PDLIM1: variants seen among roughly 807,000 people sequenced by gnomAD.
PDLIM1 encodes PDZ and LIM domain protein 1.
In PDLIM1, 25 loss-of-function variants were observed where a neutral mutation model predicts 35.2. The ratio of observed to expected loss-of-function variants is 0.71; its 90% CI spans 0.52 to 0.99. The LOEUF is 0.99. PDLIM1 is among the 50% of genes least tolerant of loss of function. PDLIM1 has a pLI of 0.00. For missense variants in PDLIM1, 363 were observed against 415.3 expected (o/e 0.87, Z 1.09); for synonymous variants, 152 against 154.0 (o/e 0.99, Z 0.10).
At chr10:95,289,346 G>C (rs908938715) in intron 1 of PDLIM1, among the ~76,000 whole-genome samples, 3 of 152,174 alleles carry the variant, frequency 2.0e-5, no homozygotes, top group Non-Finnish European at 4.4e-5. Flanking sequence ...GACGATTCTG[G>C]GGAAGGCACA....
intron 1 of PDLIM1, among the ~76,000 whole-genome samples, chr10:95,276,263 A>T (rs7089314): frequency 0.53 from 80,084 of 151,806 alleles, 21,924 homozygotes; most frequent in Middle Eastern, 0.77. Flanking sequence ...CTTTAGCACA[A>T]TGCCACAAGC....
At chr10:95,271,012 A>G (rs929162122) in intron 2 of PDLIM1, among the ~76,000 whole-genome samples, 2 of 151,630 alleles carry the variant, frequency 1.3e-5, no homozygotes, top group African/African-American at 4.8e-5. Flanking sequence ...CGGCCTCCCA[A>G]AGTGCTGGGA....
intron 2 of PDLIM1, among the ~76,000 whole-genome samples, chr10:95,270,843 T>C (rs1054829065): frequency 5.3e-5 from 8 of 151,958 alleles, no homozygotes; most frequent in Admixed American, 5.2e-4. Flanking sequence ...CTCTGCCTCC[T>C]GGGTTCAAGT....
At chr10:95,284,383 C>T (rs755206673) in intron 1 of PDLIM1, among the ~76,000 whole-genome samples, 3 of 151,586 alleles carry the variant, frequency 2.0e-5, no homozygotes, top group Admixed American at 6.6e-5. Flanking sequence ...GATGGAGTTT[C>T]GCTCTTGTTG....
At chr10:95,255,766 G>A (rs1046098489) in intron 4 of PDLIM1, among the ~76,000 whole-genome samples, 2 of 152,056 alleles carry the variant, frequency 1.3e-5, no homozygotes, top group African/African-American at 2.4e-5. Context: ...ACATAGCATT[G>A]GAGGTCCTAA....
At chr10:95,268,908 TAATATATACCAAAGAC>T (rs1171301982) in intron 2 of PDLIM1, 46 bp from the exon 3 acceptor site, 88 of 1,346,954 alleles carry the variant, frequency 6.5e-5, no homozygotes, top group Non-Finnish European at 9.0e-5. Context: ...GTAAAATAAA[TAATATATACCAAAGAC>T]AAACTGGAAA....
At chr10:95,249,597 T>C (rs539295500) in intron 4 of PDLIM1, among the ~76,000 whole-genome samples, 1 of 152,294 alleles carries the variant, frequency 6.6e-6, no homozygotes, top group East Asian at 1.9e-4. Context: ...TCAGTTACGC[T>C]TACTCATTTC....
At position 95,237,871 on chromosome 10, in the gene PDLIM1, A is replaced by T. The variant is rs1316081120; in HGVS notation, c.*54T>A. 1.3e-6 allele frequency: 2 copies of T among 1,502,458 alleles called. No homozygotes were observed. The highest frequency in any genetic ancestry group is 1.8e-6 in the Non-Finnish European group (2 of 1,089,518). The allele number at this position is 1,502,458 out of a possible 1,614,324, so 93.1% of individuals were successfully genotyped here. A position where few individuals can be genotyped will look rare whatever the true frequency, so the allele number is the denominator to read the frequency against. On this transcript the variant is annotated 3_prime_UTR_variant, in exon 7 of 7. Transcript: ENST00000329399. Reference sequence around the variant, plus strand: ...AAGAGAGGAGAGGGCCAGAACACTGAGAGAAAAAGCTGCAGCAGAGGCCTG... The same window carrying T: ...AAGAGAGGAGAGGGCCAGAACACTGTGAGAAAAAGCTGCAGCAGAGGCCTG...
chr10:95,273,351 C>A (rs1479365889), intron 1 of PDLIM1: 1 of 152,188 alleles, frequency 6.6e-6, no homozygotes, highest in African/African-American at 2.4e-5. Flanking sequence ...AGGCACCAAA[C>A]CAGGACACAC....
intron 1 of PDLIM1, among the ~76,000 whole-genome samples, chr10:95,277,573 G>A (rs1300859440): frequency 1.3e-5 from 2 of 151,848 alleles, no homozygotes; most frequent in East Asian, 3.9e-4. Context: ...AACCCAGGAG[G>A]TGGAGGTTGC....
At chr10:95,272,057 T>C (rs1339435233) in intron 1 of PDLIM1, among the ~76,000 whole-genome samples, 4 of 152,168 alleles carry the variant, frequency 2.6e-5, no homozygotes, top group Non-Finnish European at 5.9e-5. Flanking sequence ...GAAAGACCTA[T>C]GACTTACCCA....
intron 2 of PDLIM1, among the ~76,000 whole-genome samples, chr10:95,270,814 C>T (rs2035459057): frequency 6.6e-6 from 1 of 151,928 alleles, no homozygotes; most frequent in African/African-American, 2.4e-5. Flanking sequence ...GCAGTGACGC[C>T]ATCTCAGCTC....
At chr10:95,276,384 G>A (rs2035511721) in intron 1 of PDLIM1, among the ~76,000 whole-genome samples, 1 of 151,888 alleles carries the variant, frequency 6.6e-6, no homozygotes, top group Non-Finnish European at 1.5e-5. Context: ...TGCTGGCTGA[G>A]TGCCTCCCTA....
At chr10:95,243,551 A>G (rs1238665584) in intron 5 of PDLIM1, among the ~76,000 whole-genome samples, 2 of 152,012 alleles carry the variant, frequency 1.3e-5, no homozygotes, top group African/African-American at 2.4e-5. Context: ...ACTCGAGATC[A>G]CCCAAGGATT....
chr10:95,261,969 T>C (rs2035366362), intron 4 of PDLIM1, among the ~76,000 whole-genome samples: 1 of 150,918 alleles, frequency 6.6e-6, no homozygotes, highest in Non-Finnish European at 1.5e-5. Flanking sequence ...GATCACTCCA[T>C]TGCACTCTAG....
chr10:95,256,094 C>T (rs1305962578), intron 4 of PDLIM1, among the ~76,000 whole-genome samples: 4 of 152,016 alleles, frequency 2.6e-5, no homozygotes, highest in Non-Finnish European at 5.9e-5. Flanking sequence ...ATAAACTTAA[C>T]CAAGGAGGTG....
At chr10:95,278,526 A>G (rs1279636898) in intron 1 of PDLIM1, among the ~76,000 whole-genome samples, 3 of 152,148 alleles carry the variant, frequency 2.0e-5, no homozygotes, top group Non-Finnish European at 4.4e-5. Context: ...CTAAAGGTGG[A>G]ATCACGGAAC....
intron 5 of PDLIM1, among the ~76,000 whole-genome samples, chr10:95,242,350 A>T (rs971404076): frequency 1.3e-5 from 2 of 151,670 alleles, no homozygotes; most frequent in East Asian, 1.9e-4. Context: ...TTTAAATGTC[A>T]TTTTTTTTCA....
chr10:95,282,296 T>C (rs776245711), intron 1 of PDLIM1, among the ~76,000 whole-genome samples: 19 of 152,204 alleles, frequency 1.2e-4, no homozygotes, highest in Non-Finnish European at 7.3e-5. Flanking sequence ...ACTCAGTATG[T>C]TTGTGAGCCG....
Sources: gnomAD v4.1 joint callset for allele counts (sites outside exome capture counted in the v4.1 genomes callset) on GRCh38, gnomAD v4.1.1 for gene constraint, MANE v1.5 for transcripts, NCBI Gene and HGNC (gene_info 2026-07-23, HGNC 2026-07-21) for gene names.